Variants in AGPAT2 observed in about 807,000 individuals in gnomAD.
AGPAT2 encodes 1-acylglycerol-3-phosphate O-acyltransferase 2.
AGPAT2 carries 18 observed loss-of-function variants against 26.1 expected under a neutral mutation model. That is an observed-to-expected ratio of 0.69 (90% CI 0.48 to 1.02). AGPAT2 has a LOEUF of 1.02. AGPAT2 is among the 50% of genes least tolerant of loss of function. The probability of loss-of-function intolerance (pLI) is 0.00; values close to 1 mark genes in which losing one functional copy is unlikely to be tolerated. For synonymous variants in AGPAT2, 200 were observed against 174.2 expected (o/e 1.15, Z -1.16); for missense variants, 415 against 394.9 (o/e 1.05, Z -0.43).
chr9:136,679,281 C>G (rs761617454), intron 1 of AGPAT2, among the ~76,000 whole-genome samples: 1 of 152,184 alleles, frequency 6.6e-6, no homozygotes, highest in Non-Finnish European at 1.5e-5. Context: ...GAGCCCAGGC[C>G]TGCGGCAGCA....
intron 1 of AGPAT2, among the ~76,000 whole-genome samples, chr9:136,678,091 A>G (rs1846116346): frequency 6.6e-6 from 1 of 152,168 alleles, no homozygotes. Flanking sequence ...TCTTCCAGAA[A>G]AGAGCCGAGA....
At position 136,673,769 on chromosome 9, in the gene AGPAT2, C is replaced by T. The variant is rs368902934; in HGVS notation, c.820G>A (p.Val274Met). Residue 274 changes from valine to methionine, a missense_variant, in exon 6 of 6, where the codon GTG becomes ATG. By Grantham distance (21) the Val-to-Met change is conservative. Transcript: ENST00000371696. ...GGTCTGGGCTACTGGGCCGGCTGCA[C>T]GCCAGACCCCGCAGTGGCCCCGTTC... ...QENGATAGSG[V>M]QPAQ 32 of 1,598,474 alleles carry T rather than the reference C, an allele frequency of 2.0e-5. No individual in the cohort carries two copies. Among genetic ancestry groups the T allele is most frequent in the African/African-American group, 8.0e-5 (6 of 74,704 alleles).
In AGPAT2 at chr9:136,687,391, C is replaced by A. The variant is rs748545738; in HGVS notation, c.-34G>T. 42 of 1,384,678 alleles carry A rather than the reference C, an allele frequency of 3.0e-5. No homozygotes were observed. Among genetic ancestry groups the A allele is most frequent in the Non-Finnish European group, 3.8e-5 (41 of 1,071,536 alleles). 85.8% of individuals were successfully genotyped at this position (1,384,678 alleles called of 1,614,324 possible). On this transcript the variant is annotated 5_prime_UTR_variant, in exon 1 of 6. Coordinates refer to ENST00000371696, the MANE Select transcript of AGPAT2 (RefSeq NM_006412.4). Reference sequence around the variant, plus strand: ...CCGGCGCCCGACGGCGCCGCCAGCTCGCTCCCGCTCCCGCTCCCGCTTCTC... The same window carrying A: ...CCGGCGCCCGACGGCGCCGCCAGCTAGCTCCCGCTCCCGCTCCCGCTTCTC...
intron 4 of AGPAT2, among the ~76,000 whole-genome samples, chr9:136,675,994 C>T (rs1050518066): frequency 7.2e-5 from 11 of 152,172 alleles, no homozygotes; most frequent in African/African-American, 2.7e-4. Flanking sequence ...CTTCTCCTGA[C>T]GCAACTCTTC....
At position 136,675,395 on chromosome 9, in the gene AGPAT2, G is replaced by A. The variant is rs1195147273; in HGVS notation, c.589-588C>T. On this transcript the variant is annotated intron_variant, in intron 4 of 5. Coordinates refer to ENST00000371696, the MANE Select transcript of AGPAT2 (RefSeq NM_006412.4). ...AGGTAGGCTGGGGACTGGGAGCAGGGAGGGAGGGGGCCAGCAGGTAGGCTG... is the reference window on the plus strand; with the variant it reads ...AGGTAGGCTGGGGACTGGGAGCAGGAAGGGAGGGGGCCAGCAGGTAGGCTG... Among the ~76,000 whole-genome samples the A allele has an allele frequency of 3.6e-3, 337 of 93,184 alleles. 2 individuals carry two copies. The highest frequency in any genetic ancestry group is 0.011 in the African/African-American group (296 of 25,742). The allele number at this position is 93,184 out of a possible 152,430, so 61.1% of individuals were successfully genotyped here.
intron 3 of AGPAT2, 65 bp downstream of exon 3, chr9:136,676,896 T>A: frequency 1.3e-6 from 2 of 1,578,306 alleles, no homozygotes; most frequent in Non-Finnish European, 1.7e-6. Flanking sequence ...AGTCACAAGC[T>A]GGCCCCTGCC....
chr9:136,682,576 C>T (rs753676109), intron 1 of AGPAT2, among the ~76,000 whole-genome samples: 1 of 152,222 alleles, frequency 6.6e-6, no homozygotes, highest in African/African-American at 2.4e-5. Flanking sequence ...CTGGCCACTG[C>T]CAGGCGGGTG....
chr9:136,678,857 C>A (rs1846125552), intron 1 of AGPAT2, among the ~76,000 whole-genome samples: 1 of 148,288 alleles, frequency 6.7e-6, no homozygotes, highest in African/African-American at 2.5e-5. Flanking sequence ...ACCTCCTGGG[C>A]TCCTCCCACC....
chr9:136,680,763 G>C (rs553817023), intron 1 of AGPAT2, among the ~76,000 whole-genome samples: 8 of 151,306 alleles, frequency 5.3e-5, no homozygotes, highest in African/African-American at 1.9e-4. Context: ...TCCACCTCCC[G>C]GCAAGCGATT....
In AGPAT2 at chr9:136,676,714, G is replaced by A. The variant is rs772000794; in HGVS notation, c.493-34C>T. On this transcript the variant is annotated intron_variant, in intron 3 of 5. Transcript: ENST00000371696. Reference sequence around the variant, plus strand: ...AGAGGAGAGCCTGGACTGACCTCACGCCCAGGCCACCCCAGAAAGGCCACG... The same window carrying A: ...AGAGGAGAGCCTGGACTGACCTCACACCCAGGCCACCCCAGAAAGGCCACG... The A allele has an allele frequency of 1.6e-5, 26 of 1,596,216 alleles. 1 individual carries two copies. In the Middle Eastern group the frequency reaches 5.0e-4, roughly 30 times the overall value.
intron 4 of AGPAT2, among the ~76,000 whole-genome samples, chr9:136,675,014 A>G (rs1388041072): frequency 1.3e-5 from 2 of 151,980 alleles, no homozygotes. Context: ...CATCCTGCAA[A>G]TTTTTACTCA....
At chr9:136,685,441 T>C (rs556300088) in intron 1 of AGPAT2, among the ~76,000 whole-genome samples, 115 of 152,262 alleles carry the variant, frequency 7.6e-4, no homozygotes, top group African/African-American at 2.7e-3. Context: ...GGAAAACAGC[T>C]AGGAAGTCCA....
intron 1 of AGPAT2, among the ~76,000 whole-genome samples, chr9:136,685,680 C>T (rs1393337400): frequency 6.6e-6 from 1 of 152,166 alleles, no homozygotes; most frequent in African/African-American, 2.4e-5. Context: ...GCCATTTCCT[C>T]GGGGTGGGGG....
chr9:136,675,974 G>A (rs1417977916), intron 4 of AGPAT2, among the ~76,000 whole-genome samples: 1 of 152,202 alleles, frequency 6.6e-6, no homozygotes, highest in Non-Finnish European at 1.5e-5. Flanking sequence ...ACCCAGATGG[G>A]TAAAAGCTCC....
intron 1 of AGPAT2, among the ~76,000 whole-genome samples, chr9:136,678,560 G>A (rs552489746): frequency 1.3e-5 from 2 of 152,288 alleles, no homozygotes; most frequent in East Asian, 3.9e-4. Flanking sequence ...GCTGACTGGG[G>A]GGCTGCCAGT....
intron 1 of AGPAT2, among the ~76,000 whole-genome samples, chr9:136,680,920 C>T (rs1255701081): frequency 1.3e-5 from 2 of 152,148 alleles, no homozygotes; most frequent in Non-Finnish European, 2.9e-5. Flanking sequence ...CCGCCTCGGC[C>T]TCCCAAAGTG....
intron 4 of AGPAT2, 95 bp from the exon 5 acceptor site, chr9:136,674,902 A>G: frequency 3.5e-6 from 3 of 861,350 alleles, no homozygotes; most frequent in East Asian, 3.1e-5. Context: ...CCTGCGGCCC[A>G]CCCACCCCTG....
intron 2 of AGPAT2, 39 bp downstream of exon 2, chr9:136,677,384 C>A (rs781549168): frequency 6.2e-7 from 1 of 1,612,790 alleles, no homozygotes; most frequent in South Asian, 1.1e-5. Context: ...CAGCCGGCCC[C>A]ACTCAAACCC....
Position 136,676,596 on chromosome 9 carries a change from C to G in AGPAT2, c.577G>C (p.Val193Leu). The G allele has an allele frequency of 6.2e-7, 1 of 1,613,014 alleles. No homozygotes were observed. The highest frequency in any genetic ancestry group is 2.2e-5 in the East Asian group (1 of 44,870). ...PFKKGAFYLA[V>L]QAQVPIVPVV... is the part of the protein sequence containing the mutation. ...TGGGCTCAGCCTACCTGTGCCTGGA[C>G]TGCCAGGTAGAAGGCGCCCTTCTTA... Residue 193 changes from valine to leucine, a missense_variant, in exon 4 of 6, where the codon GTC becomes CTC. Transcript: ENST00000371696.
Sources: gnomAD v4.1 joint callset for allele counts (sites outside exome capture counted in the v4.1 genomes callset) on GRCh38, gnomAD v4.1.1 for gene constraint, MANE v1.5 for transcripts, NCBI Gene and HGNC (gene_info 2026-07-23, HGNC 2026-07-21) for gene names.